BRI3: variants seen among roughly 807,000 people sequenced by gnomAD.
BRI3 encodes the protein membrane protein BRI3.
BRI3 carries 6 observed loss-of-function variants against 12.8 expected under a neutral mutation model. The observed-to-expected ratio is 0.47, with a 90% confidence interval of 0.26 to 0.93. The LOEUF is 0.93. Among genes scored for constraint, BRI3 ranks in the 40% least tolerant of loss-of-function variants. The pLI, the probability that BRI3 is intolerant of heterozygous loss-of-function variation, is 0.15. For synonymous variants in BRI3, 91 were observed against 76.1 expected, an observed-to-expected ratio of 1.20 and a Z score of -1.02; for missense variants, 134 against 171.1, an observed-to-expected ratio of 0.78 and a Z score of 1.21.
chr7:98,298,028 C>G (rs1013303024), intron 1 of BRI3, among the ~76,000 whole-genome samples: 2 of 150,856 alleles, frequency 1.3e-5, no homozygotes, highest in Non-Finnish European at 3.0e-5. Flanking sequence ...GTCAGGAGTT[C>G]AAGACCAGCC....
chr7:98,315,563 G>T, the BRI3 span: 1 of 1,493,334 alleles, frequency 6.7e-7, no homozygotes, highest in East Asian at 2.5e-5. Flanking sequence ...GCAACCATCT[G>T]CAATGAATTT....
upstream of BRI3, among the ~76,000 whole-genome samples, chr7:98,306,031 C>G (rs1466774970): frequency 6.6e-6 from 1 of 152,098 alleles, no homozygotes; most frequent in Non-Finnish European, 1.5e-5. Context: ...AGGCAGAAGA[C>G]AAACAGAGCA....
intron 2 of BRI3, among the ~76,000 whole-genome samples, chr7:98,285,965 G>A (rs1300610124): frequency 6.6e-6 from 1 of 152,222 alleles, no homozygotes; most frequent in Non-Finnish European, 1.5e-5. Context: ...GTGGTCTGGG[G>A]TTGTTCCTGG....
At chr7:98,293,344 C>G, downstream of BRI3, 1 of 582,958 alleles carries the variant, frequency 1.7e-6, no homozygotes, top group Non-Finnish European at 3.1e-6. Context: ...ATCTTAAAGG[C>G]AGAAACTTGT....
downstream of BRI3, chr7:98,293,631 G>C: frequency 1.3e-6 from 2 of 1,588,112 alleles, no homozygotes; most frequent in Non-Finnish European, 1.7e-6. Flanking sequence ...CAGAACTTCT[G>C]CTCTACGAGG....
intron 2 of BRI3, among the ~76,000 whole-genome samples, chr7:98,288,729 C>T (rs1044954723): frequency 6.6e-6 from 1 of 151,896 alleles, no homozygotes; most frequent in African/African-American, 2.4e-5. Context: ...ATCGGCTGAA[C>T]AATCCCCCTT....
chr7:98,292,962 G>A (rs1800032738), downstream of BRI3: 1 of 1,209,242 alleles, frequency 8.3e-7, no homozygotes, highest in Admixed American at 4.2e-5. Flanking sequence ...GTTGGAGGGA[G>A]GGTGGGGGTT....
At chr7:98,294,322 G>A (rs186843214), downstream of BRI3, among the ~76,000 whole-genome samples, 71 of 152,236 alleles carry the variant, frequency 4.7e-4, no homozygotes, top group East Asian at 0.014. Context: ...AAGACCCGAA[G>A]GTAAAGACAT....
downstream of BRI3, among the ~76,000 whole-genome samples, chr7:98,312,826 C>T (rs558788348): frequency 5.9e-5 from 9 of 152,296 alleles, no homozygotes; most frequent in South Asian, 1.9e-3. Flanking sequence ...GCAGAGCAGA[C>T]CTGACCAGCA....
chr7:98,313,496 A>G (rs1196016707), downstream of BRI3, among the ~76,000 whole-genome samples: 2 of 151,994 alleles, frequency 1.3e-5, no homozygotes, highest in East Asian at 3.9e-4. Flanking sequence ...CTGGTGCCAC[A>G]GGATGCCCTC....
chr7:98,287,644 C>T lies in BRI3; in HGVS notation c.246-3467C>T, dbSNP rs573032296. Among the ~76,000 whole-genome samples the T allele has an allele frequency of 2.0e-5, 3 of 152,330 alleles. No individual in the cohort carries two copies. The South Asian group carries it at 6.2e-4, about 32-fold the overall frequency. ...GCAGCAAGAGTGAGCAGCCTTCCTGCACTTCTCAGCTCTGACAGAGTAGGT... is the reference window on the plus strand; with the variant it reads ...GCAGCAAGAGTGAGCAGCCTTCCTGTACTTCTCAGCTCTGACAGAGTAGGT... On this transcript the variant is annotated intron_variant, in intron 2 of 2. Transcript: ENST00000297290.
chr7:98,306,922 C>CT (rs1321342603), intron 1 of BRI3: 79 of 167,358 alleles, frequency 4.7e-4, no homozygotes, highest in South Asian at 1.0e-3. Flanking sequence ...TGGATTACCC[C>CT]TTTTTTTTTC....
chr7:98,314,210 T>G (rs1800989114), downstream of BRI3, among the ~76,000 whole-genome samples: 1 of 152,096 alleles, frequency 6.6e-6, no homozygotes, highest in Non-Finnish European at 1.5e-5. Flanking sequence ...CTCAAACTCC[T>G]GACCTCAAGT....
At chr7:98,304,282 C>G, upstream of BRI3, 1 of 1,613,604 alleles carries the variant, frequency 6.2e-7, no homozygotes, top group Non-Finnish European at 8.5e-7. Flanking sequence ...GCAGCTGCCC[C>G]CATGGACAAG....
chr7:98,312,053 A>G, downstream of BRI3: 1 of 1,544,334 alleles, frequency 6.5e-7, no homozygotes, highest in Non-Finnish European at 8.7e-7. Flanking sequence ...AGATCAAGTT[A>G]GGAAACACAC....
chr7:98,288,564 T>C (rs1799789750), intron 2 of BRI3, among the ~76,000 whole-genome samples: 1 of 150,762 alleles, frequency 6.6e-6, no homozygotes, highest in African/African-American at 2.4e-5. Flanking sequence ...GCCTTGGAGC[T>C]TCATGGTGTG....
rs535212998 is a variant in BRI3, at chr7:98,282,418, C to G, written c.210C>G (p.Asn70Lys). 6.2e-7 allele frequency: 1 copy of G among 1,614,130 alleles called. No homozygotes were observed. Residue 70 changes from asparagine (N) to lysine (K), a missense_variant, in exon 2 of 3, where the codon AAC (asparagine) becomes AAG (lysine). Coordinates refer to ENST00000297290, the MANE Select transcript of BRI3 (RefSeq NM_015379.5). ...GGACCGTCACCCGCTATCCTGCCAA[C>G]TCTATCGTGGTCGTAGGAGGCTGTC... Reference protein sequence around the residue: ...HSRTVTRYPANSIVVVGGCPV... With the variant: ...HSRTVTRYPAKSIVVVGGCPV...
downstream of BRI3, chr7:98,293,525 C>T (rs148346840): frequency 2.6e-5 from 42 of 1,613,110 alleles, no homozygotes; most frequent in African/African-American, 1.5e-4. Flanking sequence ...GTCCTCTCAT[C>T]GAATGATGGG....
chr7:98,305,912 T>C (rs949646855), upstream of BRI3, among the ~76,000 whole-genome samples: 19 of 152,094 alleles, frequency 1.2e-4, no homozygotes, highest in African/African-American at 4.3e-4. Flanking sequence ...TTTCAAGCCA[T>C]GGGAGTGGAT....
Sources: gnomAD v4.1 joint callset for allele counts (sites outside exome capture counted in the v4.1 genomes callset) on GRCh38, gnomAD v4.1.1 for gene constraint, MANE v1.5 for transcripts, NCBI Gene and HGNC (gene_info 2026-07-23, HGNC 2026-07-21) for gene names.